CDH12: variants seen among roughly 807,000 people sequenced by gnomAD.
CDH12 encodes the protein cadherin-12.
In CDH12, 41 loss-of-function variants were observed where a neutral mutation model predicts 74.1. The ratio of observed to expected loss-of-function variants is 0.55; its 90% CI spans 0.43 to 0.72. The LOEUF (loss-of-function observed/expected upper bound fraction) is 0.72, where lower values mean the gene tolerates loss of function less well. Among genes scored for constraint, CDH12 ranks in the 30% least tolerant of loss-of-function variants. The pLI, the probability that CDH12 is intolerant of heterozygous loss-of-function variation, is 0.00. For synonymous variants in CDH12, 399 were observed against 355.0 expected, an observed-to-expected ratio of 1.12 and a Z score of -1.39; for missense variants, 945 against 977.2, an observed-to-expected ratio of 0.97 and a Z score of 0.44.
At chr5:21,996,452 T>A (rs2150140190) in intron 5 of CDH12, among the ~76,000 whole-genome samples, 1 of 152,316 alleles carries the variant, frequency 6.6e-6, no homozygotes, top group South Asian at 2.1e-4. Flanking sequence ...TAGAGAACAT[T>A]GTTTCAATTA....
intron 5 of CDH12, among the ~76,000 whole-genome samples, chr5:22,021,507 C>G (rs1422590612): frequency 6.6e-6 from 1 of 151,994 alleles, no homozygotes; most frequent in Non-Finnish European, 1.5e-5. Flanking sequence ...ACAGATGGTC[C>G]CTGACTTAAG....
chr5:22,749,150 A>G (rs1424410757), intron 1 of CDH12, among the ~76,000 whole-genome samples: 4 of 152,212 alleles, frequency 2.6e-5, no homozygotes, highest in Admixed American at 6.5e-5. Flanking sequence ...GCATTGGCAT[A>G]TGAGTTGTAA....
intron 6 of CDH12, among the ~76,000 whole-genome samples, chr5:21,964,207 A>C (rs2150112535): frequency 6.6e-6 from 1 of 152,194 alleles, no homozygotes; most frequent in East Asian, 1.9e-4. Context: ...TTCAACTCTA[A>C]ATCCCCACAG....
At chr5:21,902,551 A>C (rs1488603947) in intron 6 of CDH12, among the ~76,000 whole-genome samples, 1 of 135,652 alleles carries the variant, frequency 7.4e-6, no homozygotes, top group Non-Finnish European at 1.7e-5. Flanking sequence ...CCATATAATC[A>C]GAAAGAGTTA....
chr5:22,484,546 A>T lies in CDH12; in HGVS notation c.-428+20724T>A, dbSNP rs151273666. Among the ~76,000 whole-genome samples the T allele has an allele frequency of 3.3e-5, 5 of 152,356 alleles. No homozygotes were observed. In the East Asian group the frequency reaches 9.6e-4, roughly 29 times the overall value. On this transcript the variant is annotated intron_variant, in intron 2 of 14. Transcript: ENST00000382254. Reference sequence around the variant, plus strand: ...GAATGTGGAAGGAAAGACGATCACCATGAACTTGGACTAGACAGTACTGAC... The same window carrying T: ...GAATGTGGAAGGAAAGACGATCACCTTGAACTTGGACTAGACAGTACTGAC...
intron 1 of CDH12, among the ~76,000 whole-genome samples, chr5:22,605,099 T>G (rs1237369906): frequency 6.6e-6 from 1 of 152,158 alleles, no homozygotes; most frequent in African/African-American, 2.4e-5. Context: ...TTTGATAATT[T>G]TATGGGCTTC....
intron 3 of CDH12, among the ~76,000 whole-genome samples, chr5:22,240,693 C>A (rs1020728589): frequency 9.2e-5 from 14 of 152,076 alleles, no homozygotes; most frequent in African/African-American, 3.4e-4. Flanking sequence ...GCCACCATGC[C>A]GGGCTAATTT....
chr5:22,445,696 G>A (rs1326973753), intron 2 of CDH12, among the ~76,000 whole-genome samples: 2 of 152,088 alleles, frequency 1.3e-5, no homozygotes, highest in African/African-American at 2.4e-5. Flanking sequence ...GAGAGAATAA[G>A]TGAATGGCAG....
At chr5:22,502,398 AC>A (rs1480587561) in intron 2 of CDH12, among the ~76,000 whole-genome samples, 1 of 151,298 alleles carries the variant, frequency 6.6e-6, no homozygotes, top group Non-Finnish European at 1.5e-5. Context: ...AGTCCATTAA[AC>A]CTCTTTTTCT....
intron 6 of CDH12, among the ~76,000 whole-genome samples, chr5:21,942,990 A>G (rs2150092149): frequency 6.6e-6 from 1 of 152,222 alleles, no homozygotes; most frequent in African/African-American, 2.4e-5. Flanking sequence ...GATCATGGGC[A>G]CAGTTTCCCC....
At chr5:22,744,946 A>G (rs978849168) in intron 1 of CDH12, among the ~76,000 whole-genome samples, 2 of 151,964 alleles carry the variant, frequency 1.3e-5, no homozygotes, top group Admixed American at 6.6e-5. Flanking sequence ...TAGTTAATAT[A>G]TCTATGTAGA....
intron 1 of CDH12, among the ~76,000 whole-genome samples, chr5:22,593,760 G>A (rs1040982455): frequency 1.3e-5 from 2 of 152,170 alleles, no homozygotes; most frequent in Non-Finnish European, 2.9e-5. Context: ...AGCTCCAAGT[G>A]TACAGATAAT....
At chr5:22,661,989 A>C (rs932974290) in intron 1 of CDH12, among the ~76,000 whole-genome samples, 1 of 152,178 alleles carries the variant, frequency 6.6e-6, no homozygotes, top group African/African-American at 2.4e-5. Flanking sequence ...CTTTGTTTCT[A>C]CACATGAGTT....
At chr5:22,221,644 C>T (rs1213544026) in intron 3 of CDH12, among the ~76,000 whole-genome samples, 2 of 151,818 alleles carry the variant, frequency 1.3e-5, no homozygotes, top group Admixed American at 6.6e-5. Context: ...GCAGAATTCA[C>T]AAGGAGGTTA....
At position 22,005,354 on chromosome 5, in the gene CDH12, C is replaced by T. The variant is rs192077589; in HGVS notation, c.232-29969G>A. The stretch of plus-strand genomic sequence containing the variant: ...CACTGTGCTCGGCCCTAGTATGTAC[C>T]GTATTTTCTTTATCCAGTCATCCAT... On this transcript the variant is annotated intron_variant, in intron 5 of 14. Transcript: ENST00000382254. 7.8e-4 allele frequency among the ~76,000 whole-genome samples: 118 copies of T among 152,124 alleles called. No homozygotes were observed. The Middle Eastern group carries it at 0.024, about 31-fold the overall frequency.
intron 9 of CDH12, among the ~76,000 whole-genome samples, chr5:21,804,643 A>AAAACACACACACACAC (rs1554032478): frequency 6.9e-5 from 8 of 115,366 alleles, no homozygotes; most frequent in African/African-American, 2.2e-4. Flanking sequence ...AGTGAATTAA[A>AAAACACACACACACAC]ACACACACAC....
chr5:22,249,297 C>A (rs1300960517), intron 3 of CDH12, among the ~76,000 whole-genome samples: 1 of 152,056 alleles, frequency 6.6e-6, no homozygotes, highest in African/African-American at 2.4e-5. Context: ...TACAGGTATA[C>A]CCAGAGGGTA....
chr5:21,816,400 G>A (rs1228328661), intron 9 of CDH12, among the ~76,000 whole-genome samples: 4 of 151,898 alleles, frequency 2.6e-5, no homozygotes, highest in Non-Finnish European at 5.9e-5. Flanking sequence ...GCCGAGGCAG[G>A]TGGATCACGA....
At chr5:21,917,133 C>T (rs1754134344) in intron 6 of CDH12, among the ~76,000 whole-genome samples, 1 of 152,180 alleles carries the variant, frequency 6.6e-6, no homozygotes, top group Non-Finnish European at 1.5e-5. Flanking sequence ...ACTCTCTGAA[C>T]TTCAAGCTCC....
Sources: gnomAD v4.1 joint callset for allele counts (sites outside exome capture counted in the v4.1 genomes callset) on GRCh38, gnomAD v4.1.1 for gene constraint, MANE v1.5 for transcripts, NCBI Gene and HGNC (gene_info 2026-07-23, HGNC 2026-07-21) for gene names.